Variants in HEATR5B observed in about 807,000 individuals in gnomAD.
The protein encoded by HEATR5B is HEAT repeat-containing protein 5B.
HEATR5B carries 156 observed loss-of-function variants against 224.1 expected under a neutral mutation model. The observed-to-expected ratio is 0.70, with a 90% CI of 0.61 to 0.80. HEATR5B has a LOEUF of 0.80. Ranked by LOEUF, HEATR5B falls within the 30% of genes least tolerant of loss-of-function variation. The pLI is 0.00. For missense variants in HEATR5B, 2,323 were observed against 2,535.5 expected, an observed-to-expected ratio of 0.92 and a Z score of 1.80; for synonymous variants, 1,027 against 893.0, an observed-to-expected ratio of 1.15 and a Z score of -2.68.
chr2:37,028,361 T>G (rs1240452956), intron 23 of HEATR5B, among the ~76,000 whole-genome samples, 187 bp from the exon 24 acceptor site: 2 of 152,158 alleles, frequency 1.3e-5, no homozygotes, highest in African/African-American at 4.8e-5. Flanking sequence ...TAAATTACTT[T>G]TATGTAAACT....
intron 4 of HEATR5B, 141 bp downstream of exon 4, chr2:37,076,770 A>C: frequency 1.6e-6 from 1 of 611,176 alleles, no homozygotes; most frequent in Non-Finnish European, 2.9e-6. Flanking sequence ...CATTAAAAGA[A>C]GGGACAAGTA....
At position 37,036,262 on chromosome 2, in the gene HEATR5B, A is replaced by G. The variant is rs566250860; in HGVS notation, c.3216+1593T>C. On this transcript the variant is annotated intron_variant, in intron 21 of 35. Coordinates refer to ENST00000233099, the MANE Select transcript of HEATR5B (RefSeq NM_019024.3). Reference sequence around the variant, plus strand: ...TAAAGTCCAAAGGTTTTATGTATGTAGAAAGTCTGCGTGATATGTCACCTG... The same window carrying G: ...TAAAGTCCAAAGGTTTTATGTATGTGGAAAGTCTGCGTGATATGTCACCTG... 2.0e-5 allele frequency among the ~76,000 whole-genome samples: 3 copies of G among 152,278 alleles called. No individual in the cohort carries two copies. The East Asian group carries it at 5.8e-4, about 29-fold the overall frequency.
At chr2:37,016,417 C>G (rs1668123157) in intron 26 of HEATR5B, among the ~76,000 whole-genome samples, 1 of 152,002 alleles carries the variant, frequency 6.6e-6, no homozygotes, top group South Asian at 2.1e-4. Flanking sequence ...GGCCACATGT[C>G]CTTACTTTCT....
At chr2:37,081,652 C>T (rs910089892) in intron 2 of HEATR5B, among the ~76,000 whole-genome samples, 1 of 152,116 alleles carries the variant, frequency 6.6e-6, no homozygotes. Context: ...GAATCCTCTT[C>T]TTCATTATGG....
At chr2:37,039,656 C>T (rs1033841014) in intron 20 of HEATR5B, among the ~76,000 whole-genome samples, 3 of 152,076 alleles carry the variant, frequency 2.0e-5, no homozygotes, top group Non-Finnish European at 4.4e-5. Flanking sequence ...CCTTTGAAAA[C>T]ATATATAATA....
At chr2:37,070,944 G>C (rs569862167) in intron 6 of HEATR5B, among the ~76,000 whole-genome samples, 6 of 152,120 alleles carry the variant, frequency 3.9e-5, no homozygotes, top group African/African-American at 1.4e-4. Context: ...TTGGCTGCCC[G>C]GAATTTGAAT....
At chr2:37,069,726 T>A (rs989650021) in intron 7 of HEATR5B, among the ~76,000 whole-genome samples, 2 of 152,150 alleles carry the variant, frequency 1.3e-5, no homozygotes, top group Non-Finnish European at 2.9e-5. Context: ...TATTTATATA[T>A]TATTAAATAT....
chr2:37,078,225 A>AT (rs1463365046), intron 3 of HEATR5B, among the ~76,000 whole-genome samples: 14 of 152,252 alleles, frequency 9.2e-5, no homozygotes, highest in Admixed American at 2.6e-4. Context: ...AGAGAGGTTA[A>AT]CTAAATTTAG....
intron 28 of HEATR5B, among the ~76,000 whole-genome samples, chr2:37,007,599 T>C (rs764485732): frequency 6.6e-6 from 1 of 152,138 alleles, no homozygotes; most frequent in Non-Finnish European, 1.5e-5. Flanking sequence ...CCTCCCAAAG[T>C]GCTGGGATTA....
chr2:37,024,344 T>C (rs963310253), intron 24 of HEATR5B, among the ~76,000 whole-genome samples: 6 of 152,218 alleles, frequency 3.9e-5, no homozygotes, highest in African/African-American at 1.2e-4. Flanking sequence ...CTATACTTAA[T>C]GACAATACAC....
At chr2:37,005,818 A>G in intron 29 of HEATR5B, 59 bp from the exon 30 acceptor site, 2 of 1,330,806 alleles carry the variant, frequency 1.5e-6, no homozygotes, top group Non-Finnish European at 2.0e-6. Flanking sequence ...ATGTTGTTTG[A>G]TCCCATATTT....
chr2:37,050,424 A>G (rs1009532655), intron 17 of HEATR5B, among the ~76,000 whole-genome samples: 1 of 152,224 alleles, frequency 6.6e-6, no homozygotes, highest in African/African-American at 2.4e-5. Flanking sequence ...TTCAAAGACT[A>G]GTACTTAAAA....
chr2:37,008,296 A>C, intron 28 of HEATR5B: 1 of 273,376 alleles, frequency 3.7e-6, no homozygotes, highest in Admixed American at 4.8e-5. Flanking sequence ...ACAAACATTG[A>C]ACAGTACAGC....
intron 26 of HEATR5B, among the ~76,000 whole-genome samples, chr2:37,016,898 G>A (rs185803350): frequency 6.6e-6 from 1 of 152,208 alleles, no homozygotes; most frequent in African/African-American, 2.4e-5. Context: ...AACTTAAAAT[G>A]CCAGTCAAAA....
At chr2:37,014,882 C>G (rs1668018655) in intron 26 of HEATR5B, among the ~76,000 whole-genome samples, 1 of 151,828 alleles carries the variant, frequency 6.6e-6, no homozygotes, top group African/African-American at 2.4e-5. Context: ...GCTCGGGAGG[C>G]TGAGGCAGGA....
At chr2:37,061,171 T>C (rs997271677) in intron 11 of HEATR5B, among the ~76,000 whole-genome samples, 9 of 152,150 alleles carry the variant, frequency 5.9e-5, no homozygotes, top group Non-Finnish European at 1.2e-4. Context: ...TTCCTTAGTT[T>C]TGGGGGCAAT....
At chr2:36,986,505 T>G (rs1470873389) in intron 35 of HEATR5B, among the ~76,000 whole-genome samples, 4 of 152,228 alleles carry the variant, frequency 2.6e-5, no homozygotes, top group African/African-American at 9.6e-5. Context: ...TCTCCACTAC[T>G]TTTCCAATTT....
Position 37,037,935 on chromosome 2 carries a change from C to T in HEATR5B, c.3136G>A (p.Ala1046Thr), listed in dbSNP as rs77690858. The T allele has an allele frequency of 1.3e-6, 2 of 1,598,934 alleles. No homozygotes were observed. The highest frequency in any genetic ancestry group is 1.7e-6 in the Non-Finnish European group (2 of 1,171,620). Residue 1046 changes from alanine to threonine, a missense_variant, in exon 21 of 36, where the codon GCT becomes ACT. Around this residue, in one of 12 missense-constraint regions of HEATR5B, gnomAD observed 88 missense variants for 86.8 expected, o/e 1.01. Coordinates refer to ENST00000233099, the MANE Select transcript of HEATR5B (RefSeq NM_019024.3). ...QDHSDSLVQA[A>T]AISCLQQLHM... The stretch of plus-strand genomic sequence containing the variant: ...AGCTGCTGAAGGCAAGATATGGCAG[C>T]TGCCTGAACAAGAGAATCTGAATGG...
rs116918247 is a variant in HEATR5B, at chr2:37,083,081, T to A, written c.126+208A>T. 2.3e-3 allele frequency among the ~76,000 whole-genome samples: 343 copies of A among 152,354 alleles called. 3 individuals carry two copies. Among genetic ancestry groups the A allele is most frequent in the East Asian group, 0.021 (111 of 5,188 alleles). On this transcript the variant is annotated intron_variant, in intron 2 of 35. Transcript: ENST00000233099. The stretch of plus-strand genomic sequence containing the variant: ...ATGTTTTTCTCCAGTTACAATGAGC[T>A]GCCCAGGTACAAACATAAAGAAGAT...
Sources: gnomAD v4.1 joint callset for allele counts (sites outside exome capture counted in the v4.1 genomes callset) on GRCh38, gnomAD v4.1.1 for gene constraint, gnomAD v4.1.1 regional missense constraint, MANE v1.5 for transcripts, NCBI Gene and HGNC (gene_info 2026-07-23, HGNC 2026-07-21) for gene names.